SIRT5: variants seen among roughly 807,000 people sequenced by gnomAD.
SIRT5 encodes sirtuin 5.
Under a neutral mutation model 40.0 loss-of-function variants are expected in SIRT5, and 26 were observed. That is an observed-to-expected ratio of 0.65 (90% CI 0.48 to 0.90). SIRT5 has a LOEUF of 0.90. SIRT5 is among the 40% of genes least tolerant of loss of function. The pLI, the probability that SIRT5 is intolerant of heterozygous loss-of-function variation, is 0.00. For synonymous variants in SIRT5, 146 were observed against 149.1 expected, an observed-to-expected ratio of 0.98 and a Z score of 0.15; for missense variants, 401 against 402.4, an observed-to-expected ratio of 1.00 and a Z score of 0.03.
chr6:13,585,367 T>C (rs1414821814), intron 3 of SIRT5, among the ~76,000 whole-genome samples: 1 of 152,132 alleles, frequency 6.6e-6, no homozygotes, highest in African/African-American at 2.4e-5. Context: ...ACATTAGGTA[T>C]TTCTCCTGAT....
chr6:13,608,340 C>T (rs1282625965), intron 9 of SIRT5, among the ~76,000 whole-genome samples: 3 of 152,186 alleles, frequency 2.0e-5, no homozygotes, highest in African/African-American at 7.2e-5. Flanking sequence ...AATCCCAGCA[C>T]TTTGGGAGGC....
chr6:13,589,935 C>T, intron 4 of SIRT5, among the ~76,000 whole-genome samples: 1 of 152,154 alleles, frequency 6.6e-6, no homozygotes, highest in Admixed American at 6.5e-5. Flanking sequence ...GGACATATTC[C>T]TGTGCCACCT....
intron 5 of SIRT5, among the ~76,000 whole-genome samples, chr6:13,594,908 G>A (rs1761375834): frequency 6.6e-6 from 1 of 152,172 alleles, no homozygotes; most frequent in African/African-American, 2.4e-5. Context: ...AGGTGCTTTT[G>A]TATAAAAGAT....
At chr6:13,604,598 C>T (rs1762857499) in intron 9 of SIRT5, 2 of 1,529,726 alleles carry the variant, frequency 1.3e-6, no homozygotes, top group African/African-American at 2.8e-5. Context: ...TTCCACAACC[C>T]AAGTTTAGAG....
intron 9 of SIRT5, among the ~76,000 whole-genome samples, chr6:13,606,984 CT>C (rs74503844): frequency 4.9e-3 from 667 of 135,656 alleles, no homozygotes; most frequent in Non-Finnish European, 4.6e-3. Flanking sequence ...ACTTGGCCTG[CT>C]TTTTTTTTTT....
chr6:13,594,404 G>A lies in SIRT5; in HGVS notation c.476-1073G>A, dbSNP rs149425257. 1.7e-3 allele frequency among the ~76,000 whole-genome samples: 262 copies of A among 152,214 alleles called. 3 individuals are homozygous for A. Among genetic ancestry groups the A allele is most frequent in the African/African-American group, 5.7e-3 (237 of 41,534 alleles). ...TGCAGCTTATGTCATCTTTCCTCCC[G>A]GCCCCTGTCCCCCTCCTTCTTTCAG... is the stretch of plus-strand genomic sequence containing the variant. On this transcript the variant is annotated intron_variant, in intron 5 of 9. Transcript: ENST00000606117.
rs566298915 is a variant in SIRT5 at position 13,599,053 on chromosome 6, G to A, written c.639G>A (p.Gly213=). 6.2e-7 allele frequency: 1 copy of A among 1,614,076 alleles called. No homozygotes were observed. The highest frequency in any genetic ancestry group is 1.7e-5 in the Admixed American group (1 of 60,008). ...KLPRCEEAGC[G]GLLRPHVVWF... The stretch of plus-strand genomic sequence containing the variant: ...CCAGGTGTGAAGAGGCAGGCTGCGG[G>A]GGCTTGCTGCGACCTCACGTCGTGT... Residue 213 remains glycine, a synonymous_variant, in exon 8 of 10, where the codon GGG becomes GGA. Transcript: ENST00000606117.
intron 9 of SIRT5, chr6:13,605,639 A>G (rs902429233): frequency 1.0e-6 from 1 of 985,342 alleles, no homozygotes; most frequent in African/African-American, 1.7e-5. Context: ...AATTAGTTCC[A>G]GTTTTGGTTT....
At chr6:13,597,117 A>C in intron 7 of SIRT5, 101 bp downstream of exon 7, 1 of 877,642 alleles carries the variant, frequency 1.1e-6, no homozygotes, top group Non-Finnish European at 1.8e-6. Flanking sequence ...GACGCCTCTT[A>C]AATCAAATGC....
chr6:13,593,050 A>T (rs956962184), intron 5 of SIRT5, among the ~76,000 whole-genome samples: 1 of 151,682 alleles, frequency 6.6e-6, no homozygotes, highest in Non-Finnish European at 1.5e-5. Context: ...AGTAGCTGGG[A>T]CTACAGGCAC....
At chr6:13,576,912 T>C (rs1758704721) in intron 1 of SIRT5, among the ~76,000 whole-genome samples, 1 of 152,230 alleles carries the variant, frequency 6.6e-6, no homozygotes, top group Non-Finnish European at 1.5e-5. Flanking sequence ...AGACTTTCCT[T>C]TTCCCATTGT....
chr6:13,589,908 C>T (rs866574568), intron 4 of SIRT5, among the ~76,000 whole-genome samples: 1 of 152,170 alleles, frequency 6.6e-6, no homozygotes. Flanking sequence ...CTCCAACACC[C>T]TTCCAGGGAC....
Position 13,614,803 on chromosome 6 carries a change from G to A in SIRT5, c.*2938G>A, listed in dbSNP as rs1402061773. ...CTGTGCAGATTTCTTTAGAGTCCAG[G>A]TCTGTCGCCCGCGTCTTCGTCGGTG... On this transcript the variant is annotated 3_prime_UTR_variant, in exon 10 of 10. Transcript: ENST00000606117. 2 of 152,852 alleles carry A rather than the reference G, an allele frequency of 1.3e-5. No individual in the cohort carries two copies. The highest frequency in any genetic ancestry group is 1.9e-4 in the East Asian group (1 of 5,196). 9.5% of individuals were successfully genotyped at this position (152,852 alleles called of 1,614,324 possible).
chr6:13,598,030 T>C (rs1427230588), intron 7 of SIRT5, among the ~76,000 whole-genome samples: 1 of 152,248 alleles, frequency 6.6e-6, no homozygotes, highest in East Asian at 1.9e-4. Flanking sequence ...TTAGAGCATT[T>C]AATCCACATT....
chr6:13,613,639 T>A lies in SIRT5; in HGVS notation c.*1774T>A, dbSNP rs1764121507. ...TGGTCCTTTGTGTAGGGAACGGGGA[T>A]GCTCATAGCCTATGGGGCGGCTGGA... On this transcript the variant is annotated 3_prime_UTR_variant, in exon 10 of 10. Coordinates refer to ENST00000606117, the MANE Select transcript of SIRT5 (RefSeq NM_012241.5). 1 of 152,236 alleles carries A rather than the reference T, an allele frequency of 6.6e-6. No individual in the cohort carries two copies. Among genetic ancestry groups the A allele is most frequent in the African/African-American group, 2.4e-5 (1 of 41,448 alleles). 9.4% of individuals were successfully genotyped at this position (152,236 alleles called of 1,614,324 possible).
rs1270744875 is a variant in SIRT5 at position 13,588,378 on chromosome 6, A to G, written c.163A>G (p.Ile55Val). The G allele has an allele frequency of 1.2e-6, 2 of 1,614,128 alleles. No homozygotes were observed. The highest frequency in any genetic ancestry group is 1.7e-6 in the Non-Finnish European group (2 of 1,179,946). The change falls in exon 4 of 10, where the codon ATC becomes GTC. Residue 55 changes from isoleucine (I) to valine (V), a missense_variant. Physicochemically the swap from Ile to Val is conservative, Grantham distance 29. Coordinates refer to ENST00000606117, the MANE Select transcript of SIRT5 (RefSeq NM_012241.5). Reference sequence around the variant, plus strand: ...TTTTGCAAAAGCAAAGCACATAGTCATCATCTCAGGAGCTGGTGTTAGTGC... The same window carrying G: ...TTTTGCAAAAGCAAAGCACATAGTCGTCATCTCAGGAGCTGGTGTTAGTGC... ...KFFAKAKHIV[I>V]ISGAGVSAES... is the part of the protein sequence containing the mutation.
chr6:13,595,443 T>G, intron 5 of SIRT5, 34 bp from the exon 6 acceptor site: 1 of 1,514,432 alleles, frequency 6.6e-7, no homozygotes, highest in East Asian at 2.3e-5. Context: ...TTGATTATAC[T>G]AAATTCTGGA....
rs1205166051 is a variant in SIRT5, at chr6:13,614,646, C to T, written c.*2781C>T. The T allele has an allele frequency of 6.6e-6, 1 of 152,284 alleles. No individual in the cohort carries two copies. The highest frequency in any genetic ancestry group is 2.4e-5 in the African/African-American group (1 of 41,478). The allele number at this position is 152,284 out of a possible 1,614,324, so 9.4% of individuals were successfully genotyped here. A position where few individuals can be genotyped will look rare whatever the true frequency, so the allele number is the denominator to read the frequency against. On this transcript the variant is annotated 3_prime_UTR_variant, in exon 10 of 10. Transcript: ENST00000606117. ...TTCAGGAGATATGCTCAGCATTTGC[C>T]ACGGGCCAGCTGCTGTTCCAGGTCG...
Position 13,599,924 on chromosome 6 carries a change from C to T in SIRT5, c.741+769C>T, listed in dbSNP as rs138456387. On this transcript the variant is annotated intron_variant, in intron 8 of 9. Coordinates refer to ENST00000606117, the MANE Select transcript of SIRT5 (RefSeq NM_012241.5). Reference sequence around the variant, plus strand: ...AAACTACTTTGTTCACGCAGCAGTTCACTTAGCATGTTCCATATCAATATG... The same window carrying T: ...AAACTACTTTGTTCACGCAGCAGTTTACTTAGCATGTTCCATATCAATATG... Among the ~76,000 whole-genome samples, 27 of 152,338 alleles carry T rather than the reference C, an allele frequency of 1.8e-4. No individual in the cohort carries two copies. The East Asian group carries it at 5.2e-3, about 29-fold the overall frequency.
Sources: gnomAD v4.1 joint callset for allele counts (sites outside exome capture counted in the v4.1 genomes callset) on GRCh38, gnomAD v4.1.1 for gene constraint, MANE v1.5 for transcripts, NCBI Gene and HGNC (gene_info 2026-07-23, HGNC 2026-07-21) for gene names.